The following WWOX variants were observed in gnomAD, a reference collection of about 807,000 sequenced individuals.
The protein encoded by WWOX is WW domain containing oxidoreductase.
In WWOX, 69 loss-of-function variants were observed where a neutral mutation model predicts 46.2. The observed-to-expected ratio is 1.49, with a 90% CI of 1.23 to 1.82. The LOEUF (loss-of-function observed/expected upper bound fraction) is 1.82, where lower values mean the gene tolerates loss of function less well. Among genes scored for constraint, WWOX ranks in the 40% most tolerant of loss-of-function variants. The probability of loss-of-function intolerance (pLI) is 0.00; values close to 1 mark genes in which losing one functional copy is unlikely to be tolerated. For synonymous variants in WWOX, 359 were observed against 202.6 expected, an observed-to-expected ratio of 1.77 and a Z score of -6.56; for missense variants, 919 against 542.6, an observed-to-expected ratio of 1.69 and a Z score of -6.89.
intron 6 of WWOX, among the ~76,000 whole-genome samples, chr16:78,389,036 C>G (rs1025338399): frequency 2.0e-5 from 3 of 151,898 alleles, no homozygotes; most frequent in Admixed American, 1.3e-4. Flanking sequence ...TCACTGAGGT[C>G]TACATTAGAG....
chr16:78,929,328 A>C (rs1265019617), intron 8 of WWOX, among the ~76,000 whole-genome samples: 1 of 151,966 alleles, frequency 6.6e-6, no homozygotes, highest in Non-Finnish European at 1.5e-5. Flanking sequence ...AAAAGCAAAT[A>C]CTTGAATTTT....
intron 8 of WWOX, among the ~76,000 whole-genome samples, chr16:79,116,062 A>C (rs2049509759): frequency 6.6e-6 from 1 of 152,224 alleles, no homozygotes; most frequent in Non-Finnish European, 1.5e-5. Flanking sequence ...TAGCATTGTA[A>C]GAAAACAATG....
chr16:78,675,442 AT>A (rs1368399838), intron 8 of WWOX, among the ~76,000 whole-genome samples: 6 of 152,218 alleles, frequency 3.9e-5, no homozygotes, highest in African/African-American at 1.4e-4. Context: ...TTTATTGGTT[AT>A]TTATTTAACA....
intron 8 of WWOX, among the ~76,000 whole-genome samples, chr16:79,071,460 T>C (rs2048549673): frequency 6.6e-6 from 1 of 152,190 alleles, no homozygotes; most frequent in African/African-American, 2.4e-5. Flanking sequence ...AGTTCACCAA[T>C]TACCCAAACC....
chr16:78,426,970 C>G (rs542997990), intron 7 of WWOX, among the ~76,000 whole-genome samples: 1 of 152,112 alleles, frequency 6.6e-6, no homozygotes, highest in Non-Finnish European at 1.5e-5. Context: ...CCTCTTTGCA[C>G]ATTATTTAAG....
At chr16:78,758,629 G>T (rs200507348) in intron 8 of WWOX, among the ~76,000 whole-genome samples, 2 of 152,158 alleles carry the variant, frequency 1.3e-5, no homozygotes, top group East Asian at 1.9e-4. Flanking sequence ...TGTCCTTCCC[G>T]TTCTACAGCA....
At chr16:78,907,210 G>C (rs1433175058) in intron 8 of WWOX, among the ~76,000 whole-genome samples, 1 of 152,110 alleles carries the variant, frequency 6.6e-6, no homozygotes, top group Non-Finnish European at 1.5e-5. Context: ...TAAAACCCTT[G>C]TGCCCTGAAT....
At chr16:78,757,552 T>G (rs1597559396) in intron 8 of WWOX, among the ~76,000 whole-genome samples, 1 of 152,316 alleles carries the variant, frequency 6.6e-6, no homozygotes, top group East Asian at 1.9e-4. Context: ...TTAACCCAGT[T>G]AACTCTTCTA....
chr16:78,924,864 C>G (rs146590960), intron 8 of WWOX, among the ~76,000 whole-genome samples: 89 of 152,242 alleles, frequency 5.8e-4, no homozygotes, highest in African/African-American at 2.0e-3. Flanking sequence ...TTATTAGGCT[C>G]TAGCACACAG....
chr16:78,579,419 G>T (rs775432095), intron 8 of WWOX, among the ~76,000 whole-genome samples: 1 of 152,170 alleles, frequency 6.6e-6, no homozygotes, highest in African/African-American at 2.4e-5. Flanking sequence ...GCAAACTGAG[G>T]AAGGGTACTC....
chr16:78,793,299 G>C (rs974181723), intron 8 of WWOX, among the ~76,000 whole-genome samples: 1 of 152,144 alleles, frequency 6.6e-6, no homozygotes, highest in African/African-American at 2.4e-5. Context: ...GGGCTCAGGA[G>C]ATCTGCCTGC....
intron 5 of WWOX, among the ~76,000 whole-genome samples, chr16:78,322,424 G>A (rs12932345): frequency 0.061 from 9,304 of 152,180 alleles, 475 homozygotes; most frequent in South Asian, 0.18. Flanking sequence ...GTTCGTGATC[G>A]CCAGGATCAG....
chr16:79,039,476 A>T (rs567819805), intron 8 of WWOX, among the ~76,000 whole-genome samples: 1 of 152,114 alleles, frequency 6.6e-6, no homozygotes, highest in Non-Finnish European at 1.5e-5. Context: ...ACCAGAGGCG[A>T]CGCATTTGCC....
chr16:79,185,192 G>A (rs909863632), intron 8 of WWOX, among the ~76,000 whole-genome samples: 1 of 152,276 alleles, frequency 6.6e-6, no homozygotes, highest in Non-Finnish European at 1.5e-5. Flanking sequence ...TTTTCTCCTA[G>A]TTTCAGAATA....
At chr16:78,720,790 T>C (rs4888831) in intron 8 of WWOX, among the ~76,000 whole-genome samples, 53,137 of 151,940 alleles carry the variant, frequency 0.35, 9,723 homozygotes, top group African/African-American at 0.46. Context: ...ATACAAGCAG[T>C]GCCCAAGTGC....
chr16:79,129,909 A>C (rs1246845943), intron 8 of WWOX, among the ~76,000 whole-genome samples: 1 of 152,188 alleles, frequency 6.6e-6, no homozygotes, highest in African/African-American at 2.4e-5. Context: ...GTCGCTGTTC[A>C]CTGGCTGAGT....
intron 8 of WWOX, among the ~76,000 whole-genome samples, chr16:78,958,154 C>T (rs745946229): frequency 5.9e-5 from 9 of 152,124 alleles, no homozygotes; most frequent in African/African-American, 1.9e-4. Context: ...ATTCACACGG[C>T]GAAGGAAATT....
At chr16:78,989,014 A>G (rs1295655568) in intron 8 of WWOX, among the ~76,000 whole-genome samples, 15 of 152,216 alleles carry the variant, frequency 9.9e-5, no homozygotes, top group Non-Finnish European at 2.1e-4. Context: ...TGTTAAAACA[A>G]GGAGGAAGTA....
chr16:78,101,596 C>G (rs191305083), intron 1 of WWOX, among the ~76,000 whole-genome samples: 32 of 152,224 alleles, frequency 2.1e-4, no homozygotes, highest in African/African-American at 7.7e-4. Flanking sequence ...GTTGGCATTA[C>G]AGACAGGAGC....
Sources: gnomAD v4.1 joint callset for allele counts (sites outside exome capture counted in the v4.1 genomes callset) on GRCh38, gnomAD v4.1.1 for gene constraint, MANE v1.5 for transcripts, NCBI Gene and HGNC (gene_info 2026-07-23, HGNC 2026-07-21) for gene names.